Variants in ATP13A5 observed in about 807,000 individuals in gnomAD.
ATP13A5 encodes ATPase 13A5.
ATP13A5 carries 149 observed loss-of-function variants against 150.2 expected under a neutral mutation model. The observed-to-expected ratio is 0.99, with a 90% CI of 0.87 to 1.14. The LOEUF (loss-of-function observed/expected upper bound fraction) is 1.14, where lower values mean the gene tolerates loss of function less well. Among genes scored for constraint, ATP13A5 ranks in the 50% most tolerant of loss-of-function variants. The pLI is 0.00. For missense variants in ATP13A5, 1,383 were observed against 1,449.3 expected (o/e 0.95, Z 0.74); for synonymous variants, 497 against 522.2 (o/e 0.95, Z 0.66).
chr3:193,336,628 T>G (rs1415557948), intron 9 of ATP13A5, among the ~76,000 whole-genome samples: 1 of 152,106 alleles, frequency 6.6e-6, no homozygotes, highest in African/African-American at 2.4e-5. Flanking sequence ...TCTTAATCCA[T>G]TCTATCATTG....
intron 24 of ATP13A5, among the ~76,000 whole-genome samples, chr3:193,300,056 CCTCCATCCG>C (rs1718340830): frequency 6.6e-6 from 1 of 152,116 alleles, no homozygotes; most frequent in Non-Finnish European, 1.5e-5. Context: ...ATGGTTTCTA[CCTCCATCCG>C]TGGAGGCTTT....
chr3:193,369,547 A>G (rs749120336), intron 1 of ATP13A5, among the ~76,000 whole-genome samples: 15 of 152,130 alleles, frequency 9.9e-5, no homozygotes, highest in South Asian at 4.1e-4. Flanking sequence ...AGTCACTCAG[A>G]TTTTTTCTGA....
chr3:193,308,977 T>G (rs59017209), intron 21 of ATP13A5, among the ~76,000 whole-genome samples: 2 of 151,994 alleles, frequency 1.3e-5, no homozygotes, highest in Non-Finnish European at 2.9e-5. Flanking sequence ...GACTTCCCTA[T>G]GAATGCTTGG....
At chr3:193,362,795 T>TTCTCTCTTTCTTTCTC (rs1560151087) in intron 3 of ATP13A5, among the ~76,000 whole-genome samples, 158 bp from the exon 4 acceptor site, 1 of 121,696 alleles carries the variant, frequency 8.2e-6, no homozygotes, top group South Asian at 2.6e-4. Flanking sequence ...CTTTCTTTCT[T>TTCTCTCTTTCTTTCTC]TCTTTCTTTC....
At chr3:193,367,736 T>C (rs1272535164) in intron 1 of ATP13A5, among the ~76,000 whole-genome samples, 1 of 152,132 alleles carries the variant, frequency 6.6e-6, no homozygotes, top group Non-Finnish European at 1.5e-5. Context: ...GAAGGCCATC[T>C]CAATAGATAG....
chr3:193,326,907 A>T, intron 13 of ATP13A5, 89 bp downstream of exon 13: 1 of 1,118,176 alleles, frequency 8.9e-7, no homozygotes, highest in Non-Finnish European at 1.4e-6. Flanking sequence ...TTTATGTGAC[A>T]TTCATCCCTT....
At chr3:193,364,067 C>A (rs779713670) in intron 2 of ATP13A5, 40 bp downstream of exon 2, 1 of 1,601,088 alleles carries the variant, frequency 6.2e-7, no homozygotes, top group East Asian at 2.2e-5. Context: ...ACAGAAGACA[C>A]GATCATGGCT....
At chr3:193,361,347 C>A (rs1263987360) in intron 5 of ATP13A5, among the ~76,000 whole-genome samples, 4 of 152,154 alleles carry the variant, frequency 2.6e-5, no homozygotes, top group Non-Finnish European at 5.9e-5. Context: ...AACTTATAAA[C>A]AACAGATCAG....
chr3:193,364,372 A>AT, intron 1 of ATP13A5, 92 bp from the exon 2 acceptor site: 1 of 1,479,560 alleles, frequency 6.8e-7, no homozygotes, highest in African/African-American at 1.4e-5. Flanking sequence ...AGATGAAAGA[A>AT]TGTTGGCTGG....
chr3:193,311,904 C>T lies in ATP13A5; in HGVS notation c.2357G>A (p.Arg786His), dbSNP rs368258320. 14 of 1,613,882 alleles carry T rather than the reference C, an allele frequency of 8.7e-6. No individual in the cohort carries two copies. The highest frequency in any genetic ancestry group is 8.3e-5 in the Admixed American group (5 of 60,002). The change falls in exon 20 of 30, where the codon CGT (arginine) becomes CAT (histidine). Residue 786 changes from arginine (R) to histidine (H), a missense_variant. By Grantham distance (29) the Arg-to-His change is conservative (BLOSUM62 0). Transcript: ENST00000342358. ...ATGGTAACAGCTTCCTCCTTCCCCA[C>T]GAGGGGTTGAACTGTTTCCAGTATG... ...YMHTGNSSTPRGEGGSCYHFA... is the reference protein window; with the variant it reads ...YMHTGNSSTPHGEGGSCYHFA...
At position 193,308,911 on chromosome 3, in the gene ATP13A5, G is replaced by T. The variant is rs75672712; in HGVS notation, c.2526-1542C>A. Among the ~76,000 whole-genome samples, 1,276 of 152,302 alleles carry T rather than the reference G, an allele frequency of 8.4e-3. 39 individuals carry two copies. Among genetic ancestry groups the T allele is most frequent in the Admixed American group, 0.049 (746 of 15,292 alleles). On this transcript the variant is annotated intron_variant, in intron 21 of 29. Coordinates refer to ENST00000342358, the MANE Select transcript of ATP13A5 (RefSeq NM_198505.4). ...ATCATGTGAATGAAATAGTCATTTA[G>T]TCACTGGTTACTTACCCAGCCTCAG...
intron 26 of ATP13A5, among the ~76,000 whole-genome samples, chr3:193,287,970 G>T (rs1717787034): frequency 6.6e-6 from 1 of 152,102 alleles, no homozygotes; most frequent in South Asian, 2.1e-4. Flanking sequence ...GACTTTTTGG[G>T]GTTCAAGACT....
chr3:193,359,131 A>G (rs1712904146), intron 5 of ATP13A5, among the ~76,000 whole-genome samples: 2 of 152,072 alleles, frequency 1.3e-5, no homozygotes, highest in South Asian at 4.2e-4. Flanking sequence ...CTTCTAATTG[A>G]ATTCTAATAG....
Position 193,337,413 on chromosome 3 carries a change from T to G in ATP13A5, c.944-2314A>C, listed in dbSNP as rs556834737. Among the ~76,000 whole-genome samples, 12 of 152,350 alleles carry G rather than the reference T, an allele frequency of 7.9e-5. No individual in the cohort carries two copies. The South Asian group carries it at 2.3e-3, about 29-fold the overall frequency. On this transcript the variant is annotated intron_variant, in intron 9 of 29. Coordinates refer to ENST00000342358, the MANE Select transcript of ATP13A5 (RefSeq NM_198505.4). ...TTAATCCATCTTGAATTAATTTTTG[T>G]ATAAGGTGTAAGGAAGGGATCCAAT... is the stretch of plus-strand genomic sequence containing the variant.
At chr3:193,286,975 G>A (rs79524524) in intron 26 of ATP13A5, among the ~76,000 whole-genome samples, 5,597 of 152,176 alleles carry the variant, frequency 0.037, 299 homozygotes, top group African/African-American at 0.11. Context: ...TTGCTGATAT[G>A]AAGAAAATTT....
chr3:193,315,868 A>ATGTGTGTG (rs61384719), intron 17 of ATP13A5, among the ~76,000 whole-genome samples: 8 of 151,208 alleles, frequency 5.3e-5, no homozygotes, highest in African/African-American at 1.2e-4. Flanking sequence ...ACCCTGTTTT[A>ATGTGTGTG]TGTGTGTGTG....
At position 193,292,688 on chromosome 3, in the gene ATP13A5, A is replaced by G. The variant is rs189686900; in HGVS notation, c.2849-2629T>C. Among the ~76,000 whole-genome samples the G allele has an allele frequency of 4.4e-4, 67 of 152,258 alleles. 1 individual carries two copies. The highest frequency in any genetic ancestry group is 6.8e-3 in the Middle Eastern group (2 of 294). ...TTAACCAAGATCAACTGATCTACAT[A>G]CTAGAGCGGACTGGCTCAGCTGAGC... On this transcript the variant is annotated intron_variant, in intron 25 of 29. Coordinates refer to ENST00000342358, the MANE Select transcript of ATP13A5 (RefSeq NM_198505.4).
chr3:193,345,768 T>C (rs1245501396), intron 7 of ATP13A5, among the ~76,000 whole-genome samples: 1 of 152,160 alleles, frequency 6.6e-6, no homozygotes, highest in Non-Finnish European at 1.5e-5. Flanking sequence ...TCTCAGGCCA[T>C]ATTTAGTTCA....
chr3:193,314,887 A>T, intron 18 of ATP13A5, 85 bp downstream of exon 18: 11 of 1,522,976 alleles, frequency 7.2e-6, no homozygotes, highest in Non-Finnish European at 9.8e-6. Flanking sequence ...CCTGTCTCTG[A>T]TACATGAACT....
Sources: gnomAD v4.1 joint callset for allele counts (sites outside exome capture counted in the v4.1 genomes callset) on GRCh38, gnomAD v4.1.1 for gene constraint, MANE v1.5 for transcripts, NCBI Gene and HGNC (gene_info 2026-07-23, HGNC 2026-07-21) for gene names.